Variants in ARAP3 observed in about 807,000 individuals in gnomAD.
ARAP3 encodes ArfGAP with RhoGAP domain, ankyrin repeat and PH domain 3.
A neutral mutation model predicts 169.2 loss-of-function variants in ARAP3; 82 were observed. That is an observed-to-expected ratio of 0.48 (90% CI 0.41 to 0.58). The LOEUF (loss-of-function observed/expected upper bound fraction) is 0.58, where lower values mean the gene tolerates loss of function less well. Ranked by LOEUF, ARAP3 falls within the 20% of genes least tolerant of loss-of-function variation. ARAP3 has a pLI of 0.00. For missense variants in ARAP3, 1,764 were observed against 2,018.0 expected (o/e 0.87, Z 2.41); for synonymous variants, 791 against 800.3 (o/e 0.99, Z 0.20).
At chr5:141,654,734 C>CT (rs2099908976) in intron 32 of ARAP3, among the ~76,000 whole-genome samples, 1 of 150,038 alleles carries the variant, frequency 6.7e-6, no homozygotes, top group African/African-American at 2.5e-5. Flanking sequence ...TCTGTGACAA[C>CT]TTTTTCCTTT....
At chr5:141,677,777 G>GT (rs1004061457) in intron 4 of ARAP3, among the ~76,000 whole-genome samples, 39 of 140,114 alleles carry the variant, frequency 2.8e-4, no homozygotes, top group South Asian at 1.6e-3. Context: ...TTTTGTTTTT[G>GT]TTTTTTTTGT....
At chr5:141,660,519 A>G (rs970450558) in intron 21 of ARAP3, among the ~76,000 whole-genome samples, 1 of 151,846 alleles carries the variant, frequency 6.6e-6, no homozygotes, top group Non-Finnish European at 1.5e-5. Flanking sequence ...GAAAATATAT[A>G]CATGAATGGG....
chr5:141,666,328 G>T, intron 17 of ARAP3, 96 bp downstream of exon 17: 1 of 1,177,370 alleles, frequency 8.5e-7, no homozygotes, highest in Non-Finnish European at 1.1e-6. Context: ...ACCATGTTCT[G>T]CTGTTTCCCA....
At chr5:141,663,143 A>G (rs2099910186) in intron 19 of ARAP3, among the ~76,000 whole-genome samples, 1 of 152,134 alleles carries the variant, frequency 6.6e-6, no homozygotes, top group South Asian at 2.1e-4. Context: ...ATTACCTAAG[A>G]GATGGGTAAT....
At chr5:141,676,221 A>C (rs1334803991) in intron 4 of ARAP3, among the ~76,000 whole-genome samples, 1 of 151,928 alleles carries the variant, frequency 6.6e-6, no homozygotes. Flanking sequence ...GGTGAAGCGC[A>C]CCTGTGGTCC....
chr5:141,672,965 C>T lies in ARAP3; in HGVS notation c.1094-40G>A. On this transcript the variant is annotated intron_variant, in intron 7 of 32. Coordinates refer to ENST00000239440, the MANE Select transcript of ARAP3 (RefSeq NM_022481.6). The surrounding 1 kb of genome is among the most constrained non-coding windows in gnomAD (Gnocchi z 4.9). ...GAAGCAGGTCAGTGGCTGTTGCTCA[C>T]ACAGCCTCCCTCCCTCCTGCCCTGA... The T allele has an allele frequency of 6.2e-7, 1 of 1,612,608 alleles. No individual in the cohort carries two copies. The highest frequency in any genetic ancestry group is 8.5e-7 in the Non-Finnish European group (1 of 1,179,160).
Position 141,672,109 on chromosome 5 carries a change from C to T in ARAP3, c.1578G>A (p.Gln526=), listed in dbSNP as rs377133701. 6 of 1,614,210 alleles carry T rather than the reference C, an allele frequency of 3.7e-6. No individual in the cohort carries two copies. The highest frequency in any genetic ancestry group is 5.1e-6 in the Non-Finnish European group (6 of 1,180,032). ...CTTGAGGCCATTCCTCACCTGCACA[C>T]TGCTTGCAGATGACCACCCCCAAAT... is the stretch of plus-strand genomic sequence containing the variant. ...AVNLGVVICK[Q]CAGQHRALGS... is the part of the protein sequence containing the mutation. The change falls in exon 10 of 33, where the codon CAG becomes CAA. Residue 526 remains glutamine (Q), a synonymous_variant. Transcript: ENST00000239440. The surrounding 1 kb of genome is among the most constrained non-coding windows in gnomAD (Gnocchi z 4.9).
rs544005467 is a variant in ARAP3 at position 141,664,142 on chromosome 5, T to C, written c.2800+780A>G. On this transcript the variant is annotated intron_variant, in intron 19 of 32. Coordinates refer to ENST00000239440, the MANE Select transcript of ARAP3 (RefSeq NM_022481.6). ...GCTCACACCTGTAATCCCAGCACTT[T>C]GGGAGGCCAAGGTGGGTGGATCACC... Among the ~76,000 whole-genome samples the C allele has an allele frequency of 2.6e-5, 4 of 152,258 alleles. No individual in the cohort carries two copies. The East Asian group carries it at 7.7e-4, about 29-fold the overall frequency.
intron 6 of ARAP3, 30 bp from the exon 7 acceptor site, chr5:141,673,163 G>A: frequency 6.2e-7 from 1 of 1,613,862 alleles, no homozygotes; most frequent in Non-Finnish European, 8.5e-7. Context: ...TGACCCATGA[G>A]GACAGGAACT....
chr5:141,662,213 G>A lies in ARAP3; in HGVS notation c.2843C>T (p.Ala948Val). The A allele has an allele frequency of 6.2e-7, 1 of 1,614,194 alleles. No individual in the cohort carries two copies. Residue 948 changes from alanine (A) to valine (V), a missense_variant, in exon 20 of 33, where the codon GCC becomes GTC. Transcript: ENST00000239440. Reference protein sequence around the residue: ...EGVYRKGGARARSLRLLAEFR... With the variant: ...EGVYRKGGARVRSLRLLAEFR... ...CTCAGCCAGGAGTCTCAGGCTGCGG[G>A]CACGAGCGCCCCCTTTCCGGTATAC...
Position 141,680,326 on chromosome 5 carries a change from T to C in ARAP3, c.161A>G (p.His54Arg), listed in dbSNP as rs770899720. Reference sequence around the variant, plus strand: ...TAGCAGGCGTAGAATGCGTTTCCGGTGCCCTGTGGCGCTGATGCCCAACTG... The same window carrying C: ...TAGCAGGCGTAGAATGCGTTTCCGGCGCCCTGTGGCGCTGATGCCCAACTG... ...LKQLGISATG[H>R]RKRILRLLQT... Residue 54 changes from histidine (H) to arginine (R), a missense_variant, in exon 2 of 33, where the codon CAC becomes CGC. Around this residue, in one of 3 missense-constraint regions of ARAP3, gnomAD observed 630 missense variants for 678.7 expected, o/e 0.93. Transcript: ENST00000239440. 4.3e-6 allele frequency: 7 copies of C among 1,614,224 alleles called. No homozygotes were observed. Among genetic ancestry groups the C allele is most frequent in the Non-Finnish European group, 5.9e-6 (7 of 1,180,032 alleles).
chr5:141,658,652 A>C lies in ARAP3; in HGVS notation c.3338T>G (p.Leu1113Arg), dbSNP rs1441931921. ...CATGATGAGGTCTCCAGCCTGAGAC[A>C]GCTGAGGGGAGGGGTAAAAAAGTCA... Reference protein sequence around the residue: ...SLITTWKDVQLSQAGDLIMEV... With the variant: ...SLITTWKDVQRSQAGDLIMEV... Residue 1113 changes from leucine (L) to arginine (R), a missense_variant and splice_region_variant, in exon 24 of 33, where the codon CTG becomes CGG. Physicochemically the swap from Leu to Arg is moderately radical, Grantham distance 102. Around this residue, in one of 3 missense-constraint regions of ARAP3, gnomAD observed 1,112 missense variants for 1,285.7 expected, o/e 0.86. Coordinates refer to ENST00000239440, the MANE Select transcript of ARAP3 (RefSeq NM_022481.6). 1.7e-5 allele frequency: 27 copies of C among 1,581,240 alleles called. No individual in the cohort carries two copies. Among genetic ancestry groups the C allele is most frequent in the Non-Finnish European group, 2.1e-5 (25 of 1,169,724 alleles).
intron 4 of ARAP3, among the ~76,000 whole-genome samples, chr5:141,676,853 C>T (rs1437483642): frequency 1.3e-5 from 2 of 152,166 alleles, no homozygotes; most frequent in Non-Finnish European, 2.9e-5. Flanking sequence ...CCAGCTCCGA[C>T]CTCTCTCTAG....
chr5:141,677,260 C>T (rs1562426166), intron 4 of ARAP3, among the ~76,000 whole-genome samples: 1 of 151,988 alleles, frequency 6.6e-6, no homozygotes, highest in East Asian at 1.9e-4. Context: ...AAAATATAAA[C>T]ATAAGATAAT....
At chr5:141,664,783 G>C in intron 19 of ARAP3, 139 bp downstream of exon 19, 1 of 1,064,510 alleles carries the variant, frequency 9.4e-7, no homozygotes, top group South Asian at 1.6e-5. Context: ...TGACCAGCTG[G>C]GGTCCAGCTG....
chr5:141,665,060 G>T lies in ARAP3; in HGVS notation c.2662C>A (p.Arg888=). 1 of 1,613,364 alleles carries T rather than the reference G, an allele frequency of 6.2e-7. No homozygotes were observed. The highest frequency in any genetic ancestry group is 1.1e-5 in the South Asian group (1 of 90,982). The change falls in exon 19 of 33, where the codon CGG becomes AGG. Residue 888 remains arginine (R), a synonymous_variant. Transcript: ENST00000239440. The part of the protein sequence containing the change: ...GRTLYLQGEG[R]LDFTAWNAAI... Reference sequence around the variant, plus strand: ...GCGTTCCATGCCGTGAAGTCCAGCCGGCCCTCTCCTTGCAGATACAGGGTC... The same window carrying T: ...GCGTTCCATGCCGTGAAGTCCAGCCTGCCCTCTCCTTGCAGATACAGGGTC...
rs376760365 is a variant in ARAP3, at chr5:141,671,850, C to T, written c.1671+45G>A. The T allele has an allele frequency of 4.9e-5, 79 of 1,613,398 alleles. No individual in the cohort carries two copies. The highest frequency in any genetic ancestry group is 1.6e-4 in the East Asian group (7 of 44,874). ...GGCTGGCCCAAGGCCTGCTTCTGGA[C>T]GCTCCCTTCTACGCCTCCCACCTTC... is the stretch of plus-strand genomic sequence containing the variant. On this transcript the variant is annotated intron_variant, in intron 11 of 32. Coordinates refer to ENST00000239440, the MANE Select transcript of ARAP3 (RefSeq NM_022481.6). The surrounding 1 kb of genome is among the most constrained non-coding windows in gnomAD (Gnocchi z 4.9).
At chr5:141,660,886 T>C (rs778364802) in intron 21 of ARAP3, among the ~76,000 whole-genome samples, 2 of 152,134 alleles carry the variant, frequency 1.3e-5, no homozygotes, top group African/African-American at 4.8e-5. Context: ...GTGCATCTTA[T>C]TCATTTTTGT....
At chr5:141,663,982 AG>A (rs747649325) in intron 19 of ARAP3, among the ~76,000 whole-genome samples, 1 of 152,262 alleles carries the variant, frequency 6.6e-6, no homozygotes, top group Non-Finnish European at 1.5e-5. Flanking sequence ...TAAATGATCT[AG>A]GGATCTGCCC....
Sources: gnomAD v4.1 joint callset for allele counts (sites outside exome capture counted in the v4.1 genomes callset) on GRCh38, gnomAD v4.1.1 for gene constraint, gnomAD v4.1.1 regional missense constraint, Gnocchi (gnomAD v3.1) non-coding constraint, MANE v1.5 for transcripts, NCBI Gene and HGNC (gene_info 2026-07-23, HGNC 2026-07-21) for gene names.